The following EAF2 variants were observed in gnomAD, a reference collection of about 807,000 sequenced individuals.
EAF2 encodes ELL-associated factor 2.
EAF2 carries 29 observed loss-of-function variants against 29.4 expected under a neutral mutation model. That is an observed-to-expected ratio of 0.99 (90% confidence interval 0.73 to 1.35). The LOEUF is 1.35. Among genes scored for constraint, EAF2 ranks in the 40% most tolerant of loss-of-function variants. EAF2 has a pLI of 0.00. For synonymous variants in EAF2, 103 were observed against 102.5 expected, an observed-to-expected ratio of 1.00 and a Z score of -0.03; for missense variants, 292 against 312.0, an observed-to-expected ratio of 0.94 and a Z score of 0.48.
intron 5 of EAF2, among the ~76,000 whole-genome samples, chr3:121,876,012 T>C (rs933832577): frequency 2.0e-5 from 3 of 151,622 alleles, no homozygotes; most frequent in African/African-American, 7.3e-5. Context: ...GGAGATAGTG[T>C]AAAAACTTAA....
chr3:121,857,624 T>A lies in EAF2; in HGVS notation c.484+468T>A, dbSNP rs1708744262. ...TTTTTCTGGGTAATGATGTAGCTTA[T>A]GATTTTTAGTTTTATGTAAGCAATA... On this transcript the variant is annotated intron_variant, in intron 4 of 5. Transcript: ENST00000273668. Among the ~76,000 whole-genome samples, 3 of 152,298 alleles carry A rather than the reference T, an allele frequency of 2.0e-5. No individual in the cohort carries two copies. In the South Asian group the frequency reaches 6.2e-4, roughly 32 times the overall value.
At chr3:121,858,036 A>G (rs1398760935) in intron 4 of EAF2, among the ~76,000 whole-genome samples, 1 of 152,180 alleles carries the variant, frequency 6.6e-6, no homozygotes, top group African/African-American at 2.4e-5. Flanking sequence ...TCCATGGTGT[A>G]TATGTGCCAC....
chr3:121,866,690 G>A (rs186519147), intron 4 of EAF2, among the ~76,000 whole-genome samples: 7 of 151,732 alleles, frequency 4.6e-5, no homozygotes, highest in East Asian at 3.9e-4. Flanking sequence ...GTGCCACTGC[G>A]CTCCAGCCTG....
At chr3:121,861,896 T>C (rs965999028) in intron 4 of EAF2, among the ~76,000 whole-genome samples, 18 of 152,224 alleles carry the variant, frequency 1.2e-4, no homozygotes, top group Non-Finnish European at 7.3e-5. Context: ...CATTTGCTTG[T>C]CTGTAAAGGA....
At chr3:121,836,810 A>T in intron 1 of EAF2, 6 of 984,550 alleles carry the variant, frequency 6.1e-6, no homozygotes, top group Non-Finnish European at 7.3e-6. Context: ...CAATAGTCTT[A>T]ATATTAATTT....
chr3:121,849,100 T>C (rs1708583072), intron 2 of EAF2, among the ~76,000 whole-genome samples: 1 of 152,256 alleles, frequency 6.6e-6, no homozygotes, highest in East Asian at 1.9e-4. Flanking sequence ...ATTCTGTAGG[T>C]TTTTTGTGGA....
chr3:121,843,258 C>A (rs1468437200), intron 1 of EAF2, among the ~76,000 whole-genome samples: 1 of 152,190 alleles, frequency 6.6e-6, no homozygotes. Context: ...TGAAGCAGGG[C>A]CAGCCTTTGT....
intron 2 of EAF2, among the ~76,000 whole-genome samples, chr3:121,850,752 A>G (rs1444816691): frequency 6.6e-6 from 1 of 152,090 alleles, no homozygotes; most frequent in Non-Finnish European, 1.5e-5. Flanking sequence ...GCTGGAGTGC[A>G]GTGGCGCAAT....
intron 4 of EAF2, 69 bp downstream of exon 4, chr3:121,857,225 G>A (rs1708736460): frequency 7.1e-7 from 1 of 1,400,854 alleles, no homozygotes; most frequent in African/African-American, 1.4e-5. Context: ...CAGGCATGGT[G>A]GCTCACACCT....
intron 2 of EAF2, among the ~76,000 whole-genome samples, chr3:121,846,089 T>C (rs766073682): frequency 2.6e-5 from 4 of 152,168 alleles, no homozygotes; most frequent in Non-Finnish European, 4.4e-5. Flanking sequence ...AATGGGGTGG[T>C]TTTGTGCTAG....
At chr3:121,850,346 C>G (rs1338103144) in intron 2 of EAF2, among the ~76,000 whole-genome samples, 1 of 147,036 alleles carries the variant, frequency 6.8e-6, no homozygotes, top group Non-Finnish European at 1.5e-5. Context: ...TTTTTCATTG[C>G]TTTTTTTGAT....
At chr3:121,869,921 G>C (rs1708983507) in intron 4 of EAF2, among the ~76,000 whole-genome samples, 1 of 152,010 alleles carries the variant, frequency 6.6e-6, no homozygotes, top group Admixed American at 6.6e-5. Flanking sequence ...ATAGCTTTGT[G>C]CTCATAAATT....
chr3:121,845,877 A>G (rs750364299), intron 2 of EAF2, among the ~76,000 whole-genome samples: 1 of 152,340 alleles, frequency 6.6e-6, no homozygotes, highest in South Asian at 2.1e-4. Flanking sequence ...GCATACAAAT[A>G]TAAGTTCTTT....
At chr3:121,879,643 G>T (rs1709159197) in intron 5 of EAF2, among the ~76,000 whole-genome samples, 1 of 141,136 alleles carries the variant, frequency 7.1e-6, no homozygotes, top group Admixed American at 7.3e-5. Flanking sequence ...AGGATAACCA[G>T]TTTCTCAGCA....
intron 5 of EAF2, among the ~76,000 whole-genome samples, chr3:121,883,328 G>A (rs759517269): frequency 4.6e-5 from 7 of 152,096 alleles, no homozygotes; most frequent in Non-Finnish European, 7.4e-5. Flanking sequence ...CAAATACAAT[G>A]AGCAGCATTG....
intron 1 of EAF2, among the ~76,000 whole-genome samples, chr3:121,839,112 T>C (rs1456453334): frequency 1.3e-5 from 2 of 152,378 alleles, no homozygotes; most frequent in African/African-American, 4.8e-5. Context: ...GCATATAGGC[T>C]GAGCTTGACT....
chr3:121,845,120 G>A (rs1426395977), intron 2 of EAF2, among the ~76,000 whole-genome samples: 1 of 152,194 alleles, frequency 6.6e-6, no homozygotes, highest in Non-Finnish European at 1.5e-5. Context: ...TGTGGAATAA[G>A]TGACTTTACG....
chr3:121,862,829 T>C (rs758765173), intron 4 of EAF2, among the ~76,000 whole-genome samples: 2 of 152,204 alleles, frequency 1.3e-5, no homozygotes, highest in African/African-American at 2.4e-5. Context: ...ATAAAGGTTT[T>C]ATCTACCTTT....
chr3:121,855,042 C>T (rs892033651), intron 3 of EAF2, among the ~76,000 whole-genome samples: 6 of 152,128 alleles, frequency 3.9e-5, no homozygotes, highest in Non-Finnish European at 7.4e-5. Flanking sequence ...CTTCTAAATG[C>T]TTTCTATAGG....
Sources: gnomAD v4.1 joint callset for allele counts (sites outside exome capture counted in the v4.1 genomes callset) on GRCh38, gnomAD v4.1.1 for gene constraint, MANE v1.5 for transcripts, NCBI Gene and HGNC (gene_info 2026-07-23, HGNC 2026-07-21) for gene names.